Variants in FBXO10 observed in about 807,000 individuals in gnomAD.
The protein encoded by FBXO10 is F-box only protein 10.
Under a neutral mutation model 80.7 loss-of-function variants are expected in FBXO10, and 39 were observed. The observed-to-expected ratio is 0.48, with a 90% CI of 0.37 to 0.63. FBXO10 has a LOEUF of 0.63. Among genes scored for constraint, FBXO10 ranks in the 30% least tolerant of loss-of-function variants. The pLI is 0.00. For missense variants in FBXO10, 1,025 were observed against 1,269.0 expected (o/e 0.81, Z 2.92); for synonymous variants, 449 against 489.6 (o/e 0.92, Z 1.09).
chr9:37,530,378 A>G (rs562264525), intron 4 of FBXO10, among the ~76,000 whole-genome samples: 109 of 152,322 alleles, frequency 7.2e-4, no homozygotes, highest in African/African-American at 2.5e-3. Flanking sequence ...AAGAGCTCCA[A>G]AAGGAGTATG....
At position 37,522,432 on chromosome 9, in the gene FBXO10, AGT is replaced by A. The variant is rs1245933037; in HGVS notation, c.1930+391_1930+392del. The A allele has an allele frequency of 2.9e-6, 3 of 1,036,478 alleles. No homozygotes were observed. The Admixed American group carries it at 1.5e-4, about 52-fold the overall frequency. The allele number at this position is 1,036,478 out of a possible 1,614,324, so 64.2% of individuals were successfully genotyped here. On this transcript the variant is annotated intron_variant, in intron 7 of 10. Transcript: ENST00000432825. ...AGGCTCTGCCCAAAGTCACTGCGTG[AGT>A]GAGAAGAGTTTTCTTCCTGTGATTA...
Position 37,525,277 on chromosome 9 carries a change from C to CA in FBXO10, c.1707-106dup, listed in dbSNP as rs1821441769. ...GGAAACCCTGTCTCTACAAAAAATA[C>CA]AAAAAAATTAGCCGGGTGTGGTGGT... On this transcript the variant is annotated intron_variant, in intron 5 of 10. Transcript: ENST00000432825. 2.6e-6 allele frequency: 3 copies of CA among 1,138,554 alleles called. No homozygotes were observed. The East Asian group carries it at 7.8e-5, about 30-fold the overall frequency. The allele number at this position is 1,138,554 out of a possible 1,614,324, so 70.5% of individuals were successfully genotyped here. A position where few individuals can be genotyped will look rare whatever the true frequency, so the allele number is the denominator to read the frequency against.
chr9:37,570,296 A>G (rs1588864673), intron 1 of FBXO10, among the ~76,000 whole-genome samples: 1 of 152,212 alleles, frequency 6.6e-6, no homozygotes, highest in South Asian at 2.1e-4. Context: ...CCTGGGCAAC[A>G]AGAGTGAAAG....
At chr9:37,541,821 A>G (rs562943257) in intron 1 of FBXO10, 47 bp from the exon 2 acceptor site, 1 of 1,442,196 alleles carries the variant, frequency 6.9e-7, no homozygotes, top group African/African-American at 1.4e-5. Context: ...TATCCTACTT[A>G]CCAGTCCCCC....
intron 1 of FBXO10, among the ~76,000 whole-genome samples, chr9:37,570,809 G>A (rs1170197370): frequency 6.6e-6 from 1 of 151,966 alleles, no homozygotes; most frequent in African/African-American, 2.4e-5. Context: ...CCAGACCAAC[G>A]TGGTGAAACT....
At chr9:37,526,292 T>C (rs1821470057) in intron 5 of FBXO10, among the ~76,000 whole-genome samples, 1 of 152,158 alleles carries the variant, frequency 6.6e-6, no homozygotes, top group Non-Finnish European at 1.5e-5. Flanking sequence ...GTGGCAAAAA[T>C]AGATCCTATG....
At chr9:37,557,054 G>A (rs769339399) in intron 1 of FBXO10, among the ~76,000 whole-genome samples, 2 of 152,166 alleles carry the variant, frequency 1.3e-5, no homozygotes, top group Admixed American at 6.5e-5. Flanking sequence ...AAAAGACAAG[G>A]AGAGCATTCT....
chr9:37,530,413 C>G (rs1821591132), intron 4 of FBXO10, among the ~76,000 whole-genome samples: 1 of 152,186 alleles, frequency 6.6e-6, no homozygotes, highest in Non-Finnish European at 1.5e-5. Context: ...TCCCTACACC[C>G]TTTCACAACG....
intron 1 of FBXO10, among the ~76,000 whole-genome samples, chr9:37,560,267 G>A (rs902192825): frequency 1.3e-5 from 2 of 152,220 alleles, no homozygotes; most frequent in South Asian, 4.1e-4. Flanking sequence ...TTAGGATGAT[G>A]TGAGGGTGTC....
At chr9:37,554,926 A>T (rs1189009364) in intron 1 of FBXO10, among the ~76,000 whole-genome samples, 11 of 152,172 alleles carry the variant, frequency 7.2e-5, no homozygotes. Context: ...TTTTGTGGAC[A>T]CGTTTTAATT....
At position 37,553,936 on chromosome 9, in the gene FBXO10, A is replaced by AAAAAAG. The variant is rs1554648219; in HGVS notation, c.-6-12163_-6-12162insCTTTTT. ...TGCCTCAAAAAAAAAAAAAAAAAAA[A>AAAAAAG]AAAGAAAGAAAGAAAGAATAGAGAT... On this transcript the variant is annotated intron_variant, in intron 1 of 10. Transcript: ENST00000432825. Among the ~76,000 whole-genome samples, 1,192 of 148,614 alleles carry AAAAAAG rather than the reference A, an allele frequency of 8.0e-3. 26 individuals carry two copies. The highest frequency in any genetic ancestry group is 0.029 in the African/African-American group (1,131 of 38,878).
At chr9:37,554,591 GTTTTC>G (rs1425312081) in intron 1 of FBXO10, among the ~76,000 whole-genome samples, 5 of 152,080 alleles carry the variant, frequency 3.3e-5, no homozygotes, top group South Asian at 2.1e-4. Context: ...GGCAACCACT[GTTTTC>G]TTTTCTCTTA....
chr9:37,521,069 G>C (rs547233226), intron 8 of FBXO10, among the ~76,000 whole-genome samples: 1 of 152,324 alleles, frequency 6.6e-6, no homozygotes, highest in East Asian at 1.9e-4. Context: ...ATGGGAGAAA[G>C]GCATGAGTGA....
intron 6 of FBXO10, among the ~76,000 whole-genome samples, chr9:37,524,202 G>A (rs1352712807): frequency 1.3e-5 from 2 of 152,192 alleles, no homozygotes; most frequent in African/African-American, 4.8e-5. Flanking sequence ...TCAGGGTCTG[G>A]TTTCCTTGTC....
In FBXO10 at chr9:37,532,073, G is replaced by C. The variant is rs781378215; in HGVS notation, c.1420-15C>G. On this transcript the variant is annotated splice_polypyrimidine_tract_variant and intron_variant, in intron 3 of 10. Transcript: ENST00000432825. Reference sequence around the variant, plus strand: ...AGCATGATGATCTAAGCAGAAAAGAGAAAGCCATTTATTTTCCTGTTACAA... The same window carrying C: ...AGCATGATGATCTAAGCAGAAAAGACAAAGCCATTTATTTTCCTGTTACAA... 7.7e-5 allele frequency: 124 copies of C among 1,609,460 alleles called. No homozygotes were observed. Among genetic ancestry groups the C allele is most frequent in the Non-Finnish European group, 1.0e-4 (120 of 1,177,516 alleles).
At chr9:37,518,035 C>T (rs17413149) in intron 9 of FBXO10, 90 bp downstream of exon 9, 134,063 of 1,306,958 alleles carry the variant, frequency 0.1, 7,284 homozygotes, top group East Asian at 0.16. Context: ...TGAGTGATTA[C>T]GGTTCTGTTC....
chr9:37,545,175 CTT>C (rs397893928), intron 1 of FBXO10, among the ~76,000 whole-genome samples: 1 of 85,628 alleles, frequency 1.2e-5, no homozygotes. Context: ...CATTCTCAGG[CTT>C]TTTTTTTTTT....
At chr9:37,536,275 A>T (rs1821762563) in intron 3 of FBXO10, among the ~76,000 whole-genome samples, 1 of 152,188 alleles carries the variant, frequency 6.6e-6, no homozygotes, top group Admixed American at 6.5e-5. Flanking sequence ...TCATTTTACG[A>T]AAGTGAAGGT....
At position 37,537,900 on chromosome 9, in the gene FBXO10, T is replaced by A; in HGVS notation, c.629A>T (p.Asn210Ile). 1 of 1,613,968 alleles carries A rather than the reference T, an allele frequency of 6.2e-7. No individual in the cohort carries two copies. The highest frequency in any genetic ancestry group is 1.1e-5 in the South Asian group (1 of 91,076). The change falls in exon 3 of 11, where the codon AAC becomes ATC. Residue 210 changes from asparagine (N) to isoleucine (I), a missense_variant. Coordinates refer to ENST00000432825, the MANE Select transcript of FBXO10 (RefSeq NM_012166.3). The stretch of plus-strand genomic sequence containing the variant: ...CGGGCCATGGACCTGGATGTGCCCG[T>A]TCTCAAAGTTGCAGTTGTCAAACTG... Reference protein sequence around the residue: ...HVQFDNCNFENGHIQVHGPGT... With the variant: ...HVQFDNCNFEIGHIQVHGPGT...
Sources: gnomAD v4.1 joint callset for allele counts (sites outside exome capture counted in the v4.1 genomes callset) on GRCh38, gnomAD v4.1.1 for gene constraint, MANE v1.5 for transcripts, NCBI Gene and HGNC (gene_info 2026-07-23, HGNC 2026-07-21) for gene names.